PRKD2: variants seen among roughly 807,000 people sequenced by gnomAD.
PRKD2 encodes the protein protein kinase D2.
In PRKD2, 22 loss-of-function variants were observed where a neutral mutation model predicts 86.0. That is an observed-to-expected ratio of 0.26 (90% CI 0.18 to 0.37). The LOEUF (loss-of-function observed/expected upper bound fraction) is 0.37, where lower values mean the gene tolerates loss of function less well. Ranked by LOEUF, PRKD2 falls within the 10% of genes least tolerant of loss-of-function variation. The probability of loss-of-function intolerance (pLI) is 1.00; values close to 1 mark genes in which losing one functional copy is unlikely to be tolerated. For missense variants in PRKD2, 818 were observed against 1,199.2 expected, an observed-to-expected ratio of 0.68 and a Z score of 4.70; for synonymous variants, 509 against 510.9, an observed-to-expected ratio of 1.00 and a Z score of 0.05.
chr19:46,692,099 G>A (rs978564060), intron 10 of PRKD2, 114 bp from the exon 11 acceptor site: 7 of 1,001,292 alleles, frequency 7.0e-6, no homozygotes, highest in Non-Finnish European at 9.4e-6. Flanking sequence ...TCCAATGTTC[G>A]ATACAATGTG....
At chr19:46,709,131 C>A (rs2053764589) in intron 3 of PRKD2, among the ~76,000 whole-genome samples, 1 of 152,102 alleles carries the variant, frequency 6.6e-6, no homozygotes, top group Admixed American at 6.5e-5. Context: ...CACATGCCAC[C>A]ACGCCCGCTA....
rs2053519129 is a variant in PRKD2 at position 46,693,945 on chromosome 19, T to A, written c.1506A>T (p.Thr502=). 3 of 1,611,364 alleles carry A rather than the reference T, an allele frequency of 1.9e-6. No individual in the cohort carries two copies. Among genetic ancestry groups the A allele is most frequent in the Admixed American group, 1.7e-5 (1 of 59,970 alleles). Residue 502 remains threonine, a synonymous_variant, in exon 10 of 18, where the codon ACA becomes ACT. Transcript: ENST00000291281. This position sits in a 1 kb window ranked among gnomAD's most constrained non-coding sequence, Gnocchi z 4.5. ...CGGGCATCAGGGCCTGGCGGATGGC[T>A]GTCTCCCAGCCCCGGGCGGCCTCAG... ...QGAEAARGWE[T]AIRQALMPVI...
At position 46,716,493 on chromosome 19, in the gene PRKD2, G is replaced by A. The variant is rs967015236; in HGVS notation, c.-123C>T. The A allele has an allele frequency of 3.7e-6, 2 of 541,414 alleles. No individual in the cohort carries two copies. Among genetic ancestry groups the A allele is most frequent in the Non-Finnish European group, 6.3e-6 (2 of 319,374 alleles). The allele number at this position is 541,414 out of a possible 1,614,324, so 33.5% of individuals were successfully genotyped here. A position where few individuals can be genotyped will look rare whatever the true frequency, so the allele number is the denominator to read the frequency against. On this transcript the variant is annotated 5_prime_UTR_variant, in exon 1 of 18. Coordinates refer to ENST00000291281, the MANE Select transcript of PRKD2 (RefSeq NM_016457.5). This position sits in a 1 kb window ranked among gnomAD's most constrained non-coding sequence, Gnocchi z 7.9. ...AGGTGGTGGGAGAGCGGGGATCCGA[G>A]AAAAGATCTGGCAGGCGGAGGGGAC...
At position 46,704,695 on chromosome 19, in the gene PRKD2, T is replaced by C. The variant is rs775488699; in HGVS notation, c.512-46A>G. The C allele has an allele frequency of 1.3e-5, 20 of 1,548,720 alleles. No homozygotes were observed. In the Admixed American group the frequency reaches 3.8e-4, roughly 29 times the overall value. On this transcript the variant is annotated intron_variant, in intron 3 of 17. Transcript: ENST00000291281. ...TAAGAGACATGGCGTCTGCCCCTCC[T>C]AGGTCTCTTCTTGAGAAGTTGTGCC...
chr19:46,682,405 T>C (rs1012922785), intron 14 of PRKD2, among the ~76,000 whole-genome samples: 9 of 152,082 alleles, frequency 5.9e-5, no homozygotes, highest in Non-Finnish European at 1.0e-4. Flanking sequence ...TCCACCCACC[T>C]TGGCCTCCCA....
At position 46,687,325 on chromosome 19, in the gene PRKD2, A is replaced by C. The variant is rs187754567; in HGVS notation, c.1971+2212T>G. Reference sequence around the variant, plus strand: ...GAGAATTGCTTGAACCCGGGAGGTCAAGGCTGCAGTGAGCCATGATTGTAC... The same window carrying C: ...GAGAATTGCTTGAACCCGGGAGGTCCAGGCTGCAGTGAGCCATGATTGTAC... On this transcript the variant is annotated intron_variant, in intron 14 of 17. Transcript: ENST00000291281. Among the ~76,000 whole-genome samples, 269 of 152,064 alleles carry C rather than the reference A, an allele frequency of 1.8e-3. 4 individuals carry two copies. The highest frequency in any genetic ancestry group is 6.0e-3 in the African/African-American group (247 of 41,510).
intron 9 of PRKD2, among the ~76,000 whole-genome samples, chr19:46,696,535 A>G (rs2053560402): frequency 6.6e-6 from 1 of 152,064 alleles, no homozygotes; most frequent in Non-Finnish European, 1.5e-5. Flanking sequence ...CGAGGGGGGC[A>G]GATCATGAGG....
rs2053237701 is a variant in PRKD2, at chr19:46,678,081, G to A, written c.2338+315C>T. ...CACCGCAGCCCTTTGGTACCCTCAA[G>A]TCCAGTCCCTTTCCTGGTCCCACCC... On this transcript the variant is annotated intron_variant, in intron 16 of 17. Coordinates refer to ENST00000291281, the MANE Select transcript of PRKD2 (RefSeq NM_016457.5). This position sits in a 1 kb window ranked among gnomAD's most constrained non-coding sequence, Gnocchi z 5.7. Among the ~76,000 whole-genome samples, 1 of 152,154 alleles carries A rather than the reference G, an allele frequency of 6.6e-6. No individual in the cohort carries two copies. Among genetic ancestry groups the A allele is most frequent in the African/African-American group, 2.4e-5 (1 of 41,418 alleles).
intron 13 of PRKD2, among the ~76,000 whole-genome samples, 191 bp downstream of exon 13, chr19:46,690,409 T>C (rs923562739): frequency 1.3e-5 from 2 of 152,158 alleles, no homozygotes; most frequent in Non-Finnish European, 2.9e-5. Flanking sequence ...CAGTACCTCC[T>C]TTCTAGAAAA....
intron 14 of PRKD2, among the ~76,000 whole-genome samples, chr19:46,682,593 T>G (rs538624004): frequency 1.3e-5 from 2 of 152,234 alleles, no homozygotes; most frequent in South Asian, 4.1e-4. Flanking sequence ...CTAGAAAGTC[T>G]GGGCTAGATG....
intron 3 of PRKD2, among the ~76,000 whole-genome samples, chr19:46,708,394 C>T (rs764429457): frequency 3.3e-5 from 5 of 149,472 alleles, no homozygotes; most frequent in African/African-American, 5.0e-5. Context: ...CACGGCTCAC[C>T]GCAGCCTCAA....
At chr19:46,690,132 A>C (rs1251276162) in intron 13 of PRKD2, among the ~76,000 whole-genome samples, 2 of 152,026 alleles carry the variant, frequency 1.3e-5, no homozygotes, top group Non-Finnish European at 2.9e-5. Flanking sequence ...AGCTCTGCAC[A>C]TCTGTATCTT....
Position 46,697,175 on chromosome 19 carries a change from C to A in PRKD2, c.1299G>T (p.Thr433=). The part of the protein sequence containing the change: ...CKCITLFQNN[T]TNRYYKEIPL... ...GGCTTACCTTATAGTATCTGTTGGT[C>A]GTGTTGTTCTGGAAGAGCGTGATAC... Residue 433 remains threonine (T), a synonymous_variant, in exon 9 of 18, where the codon ACG becomes ACT. Coordinates refer to ENST00000291281, the MANE Select transcript of PRKD2 (RefSeq NM_016457.5). 6.3e-7 allele frequency: 1 copy of A among 1,588,218 alleles called. No individual in the cohort carries two copies. Among genetic ancestry groups the A allele is most frequent in the Non-Finnish European group, 8.6e-7 (1 of 1,156,642 alleles).
At position 46,693,441 on chromosome 19, in the gene PRKD2, G is replaced by A. The variant is rs1239355391; in HGVS notation, c.1576+434C>T. ...TAACAGAGATTTGTTGTGGATTTTT[G>A]TTGTTGTTGTTTTTTCTGTTTTGGA... On this transcript the variant is annotated intron_variant, in intron 10 of 17. Coordinates refer to ENST00000291281, the MANE Select transcript of PRKD2 (RefSeq NM_016457.5). This position sits in a 1 kb window ranked among gnomAD's most constrained non-coding sequence, Gnocchi z 4.5. Among the ~76,000 whole-genome samples the A allele has an allele frequency of 6.6e-6, 1 of 151,992 alleles. No homozygotes were observed. Among genetic ancestry groups the A allele is most frequent in the Non-Finnish European group, 1.5e-5 (1 of 67,996 alleles).
At chr19:46,706,424 G>A (rs900918430) in intron 3 of PRKD2, among the ~76,000 whole-genome samples, 1 of 152,182 alleles carries the variant, frequency 6.6e-6, no homozygotes, top group Non-Finnish European at 1.5e-5. Flanking sequence ...GGCAAGCTTG[G>A]AGAACGGTGT....
intron 7 of PRKD2, among the ~76,000 whole-genome samples, chr19:46,698,658 C>T (rs138753064): frequency 3.3e-5 from 5 of 152,344 alleles, no homozygotes; most frequent in Admixed American, 3.3e-4. Context: ...GGAAGGTCTA[C>T]AGAGATTAAG....
chr19:46,682,308 GCT>G (rs2053319808), intron 14 of PRKD2, among the ~76,000 whole-genome samples: 1 of 151,498 alleles, frequency 6.6e-6, no homozygotes, highest in Non-Finnish European at 1.5e-5. Flanking sequence ...GCCCAGACTT[GCT>G]CTGATAATTT....
chr19:46,710,087 C>T lies in PRKD2; in HGVS notation c.511+820G>A, dbSNP rs141060888. On this transcript the variant is annotated intron_variant, in intron 3 of 17. Transcript: ENST00000291281. ...TAATTTTTTGTATTTTTAGTAGAGA[C>T]GGGGTTTCACCATGTTAGCCAGGAG... Among the ~76,000 whole-genome samples the T allele has an allele frequency of 5.7e-3, 859 of 151,978 alleles. 5 individuals are homozygous for T. Among genetic ancestry groups the T allele is most frequent in the African/African-American group, 0.02 (821 of 41,446 alleles).
chr19:46,706,336 T>C (rs916876842), intron 3 of PRKD2, among the ~76,000 whole-genome samples: 24 of 152,208 alleles, frequency 1.6e-4, no homozygotes, highest in African/African-American at 5.8e-4. Context: ...GCCCTTCTGG[T>C]ACCCGCCTGC....
Sources: gnomAD v4.1 joint callset for allele counts (sites outside exome capture counted in the v4.1 genomes callset) on GRCh38, gnomAD v4.1.1 for gene constraint, Gnocchi (gnomAD v3.1) non-coding constraint, MANE v1.5 for transcripts, NCBI Gene and HGNC (gene_info 2026-07-23, HGNC 2026-07-21) for gene names.